Variants in RLF observed in about 807,000 individuals in gnomAD.
The protein encoded by RLF is zinc finger protein Rlf.
In RLF, 7 loss-of-function variants were observed where a neutral mutation model predicts 162.9. The observed-to-expected ratio is 0.04, with a 90% CI of 0.02 to 0.08. RLF has a LOEUF of 0.08. RLF is among the 10% of genes least tolerant of loss of function. The probability of loss-of-function intolerance (pLI) is 1.00; values close to 1 mark genes in which losing one functional copy is unlikely to be tolerated. For missense variants in RLF, 1,664 were observed against 2,244.7 expected, an observed-to-expected ratio of 0.74 and a Z score of 5.23; for synonymous variants, 782 against 791.5, an observed-to-expected ratio of 0.99 and a Z score of 0.20.
At chr1:40,164,576 G>C (rs1642140083) in intron 1 of RLF, among the ~76,000 whole-genome samples, 1 of 152,180 alleles carries the variant, frequency 6.6e-6, no homozygotes, top group Non-Finnish European at 1.5e-5. Flanking sequence ...ACCACTGCCA[G>C]ACAGTGTGGA....
chr1:40,185,845 A>AAAAAAAAAAAAAAAAAAAC (rs1642472610), intron 1 of RLF, among the ~76,000 whole-genome samples: 2 of 21,116 alleles, frequency 9.5e-5, no homozygotes, highest in Non-Finnish European at 2.1e-4. Flanking sequence ...AAAAAAAGCA[A>AAAAAAAAAAAAAAAAAAAC]AAAAAAAAAA....
intron 5 of RLF, among the ~76,000 whole-genome samples, chr1:40,212,882 G>A (rs1270939383): frequency 1.3e-5 from 2 of 152,140 alleles, no homozygotes; most frequent in South Asian, 2.1e-4. Flanking sequence ...AAAGTAAACA[G>A]GAGTATAGAA....
At chr1:40,192,760 A>G (rs1317193253) in intron 3 of RLF, among the ~76,000 whole-genome samples, 2 of 152,238 alleles carry the variant, frequency 1.3e-5, no homozygotes, top group African/African-American at 2.4e-5. Flanking sequence ...ATTTTATATT[A>G]TAAATGGACA....
Position 40,195,674 on chromosome 1 carries a change from C to A in RLF, c.517C>A (p.Gln173Lys). The change falls in exon 4 of 8, where the codon CAA becomes AAA. Residue 173 changes from glutamine to lysine, a missense_variant. Physicochemically the swap from Gln to Lys is moderately conservative, Grantham distance 53 (BLOSUM62 1). Around this residue, in one of 15 missense-constraint regions of RLF, gnomAD observed 287 missense variants for 404.9 expected, o/e 0.71. Transcript: ENST00000372771. ...ALLEFGNNNL[Q>K]ILVHVTKEGV... ...ATTGGAATTTGGGAATAATAACCTA[C>A]AAATATTGGTTCATGTTACCAAGGA... The A allele has an allele frequency of 6.2e-7, 1 of 1,612,806 alleles. No individual in the cohort carries two copies. The highest frequency in any genetic ancestry group is 8.5e-7 in the Non-Finnish European group (1 of 1,179,094).
chr1:40,198,761 G>A (rs559946721), intron 4 of RLF, among the ~76,000 whole-genome samples: 1 of 152,296 alleles, frequency 6.6e-6, no homozygotes, highest in African/African-American at 2.4e-5. Context: ...AATCTAGTTG[G>A]AAGGAAGGGT....
Position 40,239,183 on chromosome 1 carries a change from G to A in RLF, c.4481G>A (p.Cys1494Tyr), listed in dbSNP as rs1212899375. The change falls in exon 8 of 8, where the codon TGT becomes TAT. Residue 1494 changes from cysteine (C) to tyrosine (Y), a missense_variant. This residue lies in a region of RLF where 200 missense variants were observed against 207.3 expected (regional missense o/e 0.96). Transcript: ENST00000372771. Reference protein sequence around the residue: ...NERLLRSEKVCQTADTQGHEH... With the variant: ...NERLLRSEKVYQTADTQGHEH... ...AGACTACTAAGGAGTGAAAAGGTAT[G>A]TCAAACAGCTGATACTCAGGGGCAT... The A allele has an allele frequency of 1.2e-6, 2 of 1,614,118 alleles. No individual in the cohort carries two copies. Among genetic ancestry groups the A allele is most frequent in the South Asian group, 1.1e-5 (1 of 91,088 alleles).
intron 6 of RLF, among the ~76,000 whole-genome samples, chr1:40,228,336 C>T (rs1368293816): frequency 2.0e-5 from 3 of 149,196 alleles, no homozygotes; most frequent in Non-Finnish European, 4.4e-5. Flanking sequence ...GTAATCCCAG[C>T]ACTTTGGGAG....
At chr1:40,220,238 A>G (rs1204940601) in intron 5 of RLF, among the ~76,000 whole-genome samples, 1 of 152,188 alleles carries the variant, frequency 6.6e-6, no homozygotes, top group Non-Finnish European at 1.5e-5. Flanking sequence ...AAAAAAGAAA[A>G]GAAAAACAAA....
chr1:40,187,081 G>C (rs925998632), intron 1 of RLF, among the ~76,000 whole-genome samples: 1 of 144,026 alleles, frequency 6.9e-6, no homozygotes, highest in African/African-American at 2.6e-5. Flanking sequence ...CGCCAGGCTG[G>C]AGTGCAGTGG....
At position 40,178,623 on chromosome 1, in the gene RLF, T is replaced by TTTTTG. The variant is rs1403399896; in HGVS notation, c.238-10428_238-10427insGTTTT. ...GAACCCAAAGCTGTCTTTGGTGTTT[T>TTTTTG]TTTTTTTTGTTTTTTTTTTTTTTTT... On this transcript the variant is annotated intron_variant, in intron 1 of 7. Coordinates refer to ENST00000372771, the MANE Select transcript of RLF (RefSeq NM_012421.4). Among the ~76,000 whole-genome samples, 12 of 144,948 alleles carry TTTTTG rather than the reference T, an allele frequency of 8.3e-5. 1 individual carries two copies. Among genetic ancestry groups the TTTTTG allele is most frequent in the East Asian group, 3.9e-4 (2 of 5,096 alleles).
intron 5 of RLF, among the ~76,000 whole-genome samples, chr1:40,213,537 T>C (rs930246265): frequency 3.3e-5 from 5 of 152,212 alleles, no homozygotes; most frequent in African/African-American, 1.2e-4. Context: ...AGTATTCTTT[T>C]TTCCCAGGTA....
Position 40,161,772 on chromosome 1 carries a change from GC to G in RLF, c.237+139del. On this transcript the variant is annotated intron_variant, in intron 1 of 7. Transcript: ENST00000372771. This position sits in a 1 kb window ranked among gnomAD's most constrained non-coding sequence, Gnocchi z 4.4. ...CTCGCCGCGCCCCCGGGCCGGGAAG[GC>G]CCAGCTCGGAAGCTCGACCGCTGGC... 5 of 1,289,828 alleles carry G rather than the reference GC, an allele frequency of 3.9e-6. No individual in the cohort carries two copies. Among genetic ancestry groups the G allele is most frequent in the Non-Finnish European group, 5.2e-6 (5 of 958,954 alleles). The allele number at this position is 1,289,828 out of a possible 1,614,324, so 79.9% of individuals were successfully genotyped here.
intron 5 of RLF, among the ~76,000 whole-genome samples, chr1:40,213,830 A>G (rs193101648): frequency 1.8e-3 from 276 of 152,364 alleles, no homozygotes; most frequent in African/African-American, 6.3e-3. Flanking sequence ...GAGAAAGGTA[A>G]TGATAAAATA....
At chr1:40,198,467 G>C (rs1439428301) in intron 4 of RLF, among the ~76,000 whole-genome samples, 2 of 151,758 alleles carry the variant, frequency 1.3e-5, no homozygotes, top group East Asian at 1.9e-4. Flanking sequence ...ACCACACCCG[G>C]CTAATTTTTT....
chr1:40,224,951 C>T (rs1479445098), intron 6 of RLF, among the ~76,000 whole-genome samples: 3 of 151,670 alleles, frequency 2.0e-5, no homozygotes, highest in Non-Finnish European at 4.4e-5. Flanking sequence ...CATGCCAGCC[C>T]AGGAGACAAG....
chr1:40,167,335 C>G (rs139980384), intron 1 of RLF, among the ~76,000 whole-genome samples: 1 of 152,300 alleles, frequency 6.6e-6, no homozygotes, highest in Non-Finnish European at 1.5e-5. Context: ...GCGCTGCCTT[C>G]TTTTTAGCGA....
chr1:40,200,172 C>A (rs570903342), intron 4 of RLF, among the ~76,000 whole-genome samples: 3 of 152,174 alleles, frequency 2.0e-5, no homozygotes, highest in Non-Finnish European at 4.4e-5. Context: ...ACTCCACTTG[C>A]TAAATCATAA....
chr1:40,169,480 G>T (rs1033395621), intron 1 of RLF, among the ~76,000 whole-genome samples: 11 of 150,780 alleles, frequency 7.3e-5, no homozygotes, highest in Admixed American at 7.2e-4. Context: ...GCCGGGCGCG[G>T]TGGCGGGCGC....
chr1:40,173,661 G>A (rs545271017), intron 1 of RLF, among the ~76,000 whole-genome samples: 1 of 151,994 alleles, frequency 6.6e-6, no homozygotes, highest in South Asian at 2.1e-4. Flanking sequence ...TTACAGGTGT[G>A]TGTCATCACA....
Sources: allele counts gnomAD v4.1 joint callset (sites outside exome capture counted in the v4.1 genomes callset), GRCh38; gene constraint gnomAD v4.1.1; regional missense constraint gnomAD v4.1.1; non-coding constraint Gnocchi (gnomAD v3.1); transcripts MANE v1.5; gene names NCBI Gene and HGNC (gene_info 2026-07-23, HGNC 2026-07-21).